Variants in ERBB2 observed in about 807,000 individuals in gnomAD.
The protein encoded by ERBB2 is receptor tyrosine-protein kinase erbB-2.
In ERBB2, 61 loss-of-function variants were observed where a neutral mutation model predicts 149.0. The ratio of observed to expected loss-of-function variants is 0.41; its 90% CI spans 0.33 to 0.51. The LOEUF (loss-of-function observed/expected upper bound fraction) is 0.51, where lower values mean the gene tolerates loss of function less well. Among genes scored for constraint, ERBB2 ranks in the 20% least tolerant of loss-of-function variants. ERBB2 has a pLI of 0.25. For missense variants in ERBB2, 1,205 were observed against 1,655.1 expected (o/e 0.73, Z 4.72); for synonymous variants, 633 against 678.8 (o/e 0.93, Z 1.05).
upstream of ERBB2, chr17:39,699,460 TAAAA>T: frequency 3.7e-6 from 4 of 1,092,892 alleles, no homozygotes; most frequent in South Asian, 1.6e-5. Context: ...AAAGTTCGTT[TAAAA>T]AAAAAAAAAA....
upstream of ERBB2, among the ~76,000 whole-genome samples, chr17:39,692,839 G>C (rs1384224555): frequency 6.6e-6 from 1 of 151,616 alleles, no homozygotes; most frequent in Non-Finnish European, 1.5e-5. Flanking sequence ...GCCGGCGGCA[G>C]ATCACCTGAG....
rs1230541550 is a variant in ERBB2 at position 39,719,787 on chromosome 17, C to A, written c.1899C>A (p.Ser633=). Residue 633 remains serine, a splice_region_variant and synonymous_variant, in exon 16 of 27, where the codon TCC becomes TCA. Coordinates refer to ENST00000269571, the MANE Select transcript of ERBB2 (RefSeq NM_004448.4). Reference sequence around the variant, plus strand: ...GTTGATGAGACTGTTTCTCCTGCAGCTGTGTGGACCTGGATGACAAGGGCT... The same window carrying A: ...GTTGATGAGACTGTTTCTCCTGCAGATGTGTGGACCTGGATGACAAGGGCT... ...CQPCPINCTH[S]CVDLDDKGCP... 3 of 1,614,174 alleles carry A rather than the reference C, an allele frequency of 1.9e-6. No individual in the cohort carries two copies. The highest frequency in any genetic ancestry group is 2.5e-6 in the Non-Finnish European group (3 of 1,179,980).
At position 39,709,439 on chromosome 17, in the gene ERBB2, C is replaced by A. The variant is rs2145476941; in HGVS notation, c.561C>A (p.Asn187Lys). The change falls in exon 4 of 27, where the codon AAC (asparagine) becomes AAA (lysine). Residue 187 changes from asparagine to lysine, a missense_variant. This residue lies in a region of ERBB2 where 569 missense variants were observed against 803.5 expected (regional missense o/e 0.71). Transcript: ENST00000269571. ...NQLALTLIDTNRSRACHPCSP... is the reference protein window; with the variant it reads ...NQLALTLIDTKRSRACHPCSP... ...TGGCTCTCACACTGATAGACACCAA[C>A]CGCTCTCGGGCCTGTAAGCCATGCC... The A allele has an allele frequency of 6.2e-7, 1 of 1,614,170 alleles. No individual in the cohort carries two copies. The highest frequency in any genetic ancestry group is 2.2e-5 in the East Asian group (1 of 44,890).
Position 39,725,724 on chromosome 17 carries a change from C to G in ERBB2, c.2743C>G (p.Leu915Val), listed in dbSNP as rs1263919819. ...TGCCTTAGGTGTGACTGTGTGGGAG[C>G]TGATGACTTTTGGGGCCAAACCTTA... ...VWSYGVTVWELMTFGAKPYDG... is the reference protein window; with the variant it reads ...VWSYGVTVWEVMTFGAKPYDG... Residue 915 changes from leucine to valine, a missense_variant, in exon 23 of 27, where the codon CTG (leucine) becomes GTG (valine). By Grantham distance (32) the Leu-to-Val change is conservative. Transcript: ENST00000269571. The surrounding 1 kb of genome is among the most constrained non-coding windows in gnomAD (Gnocchi z 4.6). 6.2e-7 allele frequency: 1 copy of G among 1,613,102 alleles called. No individual in the cohort carries two copies. The highest frequency in any genetic ancestry group is 8.5e-7 in the Non-Finnish European group (1 of 1,179,550).
chr17:39,712,187 C>T (rs999989959), intron 8 of ERBB2, 135 bp from the exon 9 acceptor site: 3 of 1,522,200 alleles, frequency 2.0e-6, no homozygotes, highest in Non-Finnish European at 2.7e-6. Context: ...CCCTGGCCCC[C>T]CTCAGCCCTA....
Position 39,728,439 on chromosome 17 carries a change from T to C in ERBB2, c.*395T>C, listed in dbSNP as rs1039567949. 3.5e-5 allele frequency: 9 copies of C among 259,558 alleles called. No homozygotes were observed. The highest frequency in any genetic ancestry group is 5.2e-5 in the Admixed American group (1 of 19,406). 16.1% of individuals were successfully genotyped at this position (259,558 alleles called of 1,614,324 possible). On this transcript the variant is annotated 3_prime_UTR_variant, in exon 27 of 27. Coordinates refer to ENST00000269571, the MANE Select transcript of ERBB2 (RefSeq NM_004448.4). The stretch of plus-strand genomic sequence containing the variant: ...AAGCGACCCATTCAGAGACTGTCCC[T>C]GAAACCTAGTACTGCCCCCCATGAG...
At position 39,723,496 on chromosome 17, in the gene ERBB2, TGCACCGGCCCCCG is replaced by T. The variant is rs2059561956; in HGVS notation, c.2086-37_2086-25del. ...AAGTCCTCCCAGCCCGCGTGGGGTC[TGCACCGGCCCCCG>T]GCACTGACCCACCACCCCCTCACCC... is the stretch of plus-strand genomic sequence containing the variant. On this transcript the variant is annotated intron_variant, in intron 17 of 26. Coordinates refer to ENST00000269571, the MANE Select transcript of ERBB2 (RefSeq NM_004448.4). The surrounding 1 kb of genome is among the most constrained non-coding windows in gnomAD (Gnocchi z 6.2). 1 of 1,613,768 alleles carries T rather than the reference TGCACCGGCCCCCG, an allele frequency of 6.2e-7. No individual in the cohort carries two copies.
upstream of ERBB2, chr17:39,694,642 C>T (rs746095571): frequency 6.6e-6 from 1 of 152,138 alleles, no homozygotes; most frequent in African/African-American, 2.4e-5. Flanking sequence ...CCCCTGAAAT[C>T]AAGACTTTGT....
At chr17:39,716,011 C>G in intron 12 of ERBB2, 72 bp downstream of exon 12, 1 of 1,458,634 alleles carries the variant, frequency 6.9e-7, no homozygotes, top group Non-Finnish European at 9.4e-7. Flanking sequence ...GCCCTGGCAG[C>G]AGCGTTCTTG....
rs2145810955 is a variant in ERBB2 at position 39,723,524 on chromosome 17, C to T, written c.2086-14C>T. On this transcript the variant is annotated splice_polypyrimidine_tract_variant and intron_variant, in intron 17 of 26. Transcript: ENST00000269571. The surrounding 1 kb of genome is among the most constrained non-coding windows in gnomAD (Gnocchi z 6.2). Reference sequence around the variant, plus strand: ...ACCGGCCCCCGGCACTGACCCACCACCCCCTCACCCCAGCTGGTGGAGCCG... The same window carrying T: ...ACCGGCCCCCGGCACTGACCCACCATCCCCTCACCCCAGCTGGTGGAGCCG... 6.2e-7 allele frequency: 1 copy of T among 1,612,398 alleles called. No homozygotes were observed. Among genetic ancestry groups the T allele is most frequent in the Middle Eastern group, 1.7e-4 (1 of 6,038 alleles).
At chr17:39,712,548 G>A (rs1567902878) in intron 9 of ERBB2, 100 bp downstream of exon 9, 4 of 1,414,158 alleles carry the variant, frequency 2.8e-6, no homozygotes, top group Admixed American at 2.0e-5. Flanking sequence ...AGACAGAAGT[G>A]GGGGGATCAA....
intron 16 of ERBB2, 96 bp downstream of exon 16, chr17:39,719,930 T>C (rs1477849156): frequency 1.7e-6 from 2 of 1,143,296 alleles, no homozygotes; most frequent in African/African-American, 1.5e-5. Flanking sequence ...CCCTGACATA[T>C]GTCCCTTCCC....
chr17:39,712,297 T>TCCC, intron 8 of ERBB2, 25 bp from the exon 9 acceptor site: 2 of 1,610,840 alleles, frequency 1.2e-6, no homozygotes, highest in Non-Finnish European at 1.7e-6. Flanking sequence ...GACGGCCCCT[T>TCCC]CCCCACCCAC....
rs1567911450 is a variant in ERBB2, at chr17:39,723,454, G to GGAGGTGAGGCGGGGTGAAGTCCTCC, written c.2083_2085+22dup. On this transcript the variant is annotated frameshift_variant, in exon 17 of 27. Transcript: ENST00000269571. LOFTEE classifies it high-confidence loss of function. The surrounding 1 kb of genome is among the most constrained non-coding windows in gnomAD (Gnocchi z 6.2). ...CGATGCGGAGACTGCTGCAGGAAACGGAGGTGAGGCGGGGTGAAGTCCTCC... is the reference window on the plus strand; with the variant it reads ...CGATGCGGAGACTGCTGCAGGAAACGGAGGTGAGGCGGGGTGAAGTCCTCCGAGGTGAGGCGGGGTGAAGTCCTCC... 1 of 1,614,186 alleles carries GGAGGTGAGGCGGGGTGAAGTCCTCC rather than the reference G, an allele frequency of 6.2e-7. No individual in the cohort carries two copies. The highest frequency in any genetic ancestry group is 1.3e-5 in the African/African-American group (1 of 75,058).
chr17:39,721,691 A>G (rs1156869302), intron 16 of ERBB2, among the ~76,000 whole-genome samples: 1 of 152,166 alleles, frequency 6.6e-6, no homozygotes, highest in African/African-American at 2.4e-5. Flanking sequence ...TTTTGGCTAG[A>G]ACATCAAAAT....
At chr17:39,697,177 T>C (rs1003169598), upstream of ERBB2, among the ~76,000 whole-genome samples, 16 of 151,900 alleles carry the variant, frequency 1.1e-4, no homozygotes, top group African/African-American at 3.1e-4. Context: ...CAAGAGAAAA[T>C]AGGGATATTG....
In ERBB2 at chr17:39,725,102, G is replaced by C. The variant is rs766022187; in HGVS notation, c.2547G>C (p.Arg849=). Residue 849 remains arginine, a synonymous_variant, in exon 21 of 27, where the codon CGG becomes CGC. Coordinates refer to ENST00000269571, the MANE Select transcript of ERBB2 (RefSeq NM_004448.4). The surrounding 1 kb of genome is among the most constrained non-coding windows in gnomAD (Gnocchi z 4.6). The stretch of plus-strand genomic sequence containing the variant: ...TCGTACACAGGGACTTGGCCGCTCG[G>C]AACGTGCTGGTCAAGAGTCCCAACC... ...VRLVHRDLAA[R]NVLVKSPNHV... The C allele has an allele frequency of 1.9e-6, 3 of 1,614,174 alleles. No individual in the cohort carries two copies. The highest frequency in any genetic ancestry group is 2.5e-6 in the Non-Finnish European group (3 of 1,180,042).
chr17:39,717,806 C>T (rs980362986), intron 15 of ERBB2: 6 of 183,184 alleles, frequency 3.3e-5, no homozygotes, highest in African/African-American at 1.4e-4. Flanking sequence ...CACACACACA[C>T]ACACACACAC....
chr17:39,703,375 C>T (rs887680013), intron 1 of ERBB2: 2 of 152,222 alleles, frequency 1.3e-5, no homozygotes, highest in Non-Finnish European at 2.9e-5. Context: ...AGAGTGACAT[C>T]TCCATCTTAT....
Sources: allele counts gnomAD v4.1 joint callset (sites outside exome capture counted in the v4.1 genomes callset), GRCh38; gene constraint gnomAD v4.1.1; regional missense constraint gnomAD v4.1.1; non-coding constraint Gnocchi (gnomAD v3.1); transcripts MANE v1.5; gene names NCBI Gene and HGNC (gene_info 2026-07-23, HGNC 2026-07-21).